Variants in ZNF506 observed in about 807,000 individuals in gnomAD.
ZNF506 encodes zinc finger protein 506.
A neutral mutation model predicts 11.6 loss-of-function variants in ZNF506; 10 were observed. The ratio of observed to expected loss-of-function variants is 0.86; its 90% CI spans 0.53 to 1.46. ZNF506 has a LOEUF of 1.46. ZNF506 is among the 40% of genes most tolerant of loss of function. ZNF506 has a pLI of 0.00. For synonymous variants in ZNF506, 156 were observed against 173.3 expected (o/e 0.90, Z 0.78); for missense variants, 425 against 521.2 (o/e 0.82, Z 1.80).
chr19:19,808,222 C>G, intron 1 of ZNF506, among the ~76,000 whole-genome samples: 1 of 144,244 alleles, frequency 6.9e-6, no homozygotes, highest in South Asian at 2.3e-4. Flanking sequence ...CTCCCGGGTT[C>G]ACACCATTCT....
intron 1 of ZNF506, among the ~76,000 whole-genome samples, chr19:19,819,524 A>G (rs1244900883): frequency 6.6e-6 from 1 of 152,176 alleles, no homozygotes; most frequent in Non-Finnish European, 1.5e-5. Flanking sequence ...ACTCTAGCAG[A>G]CATAGCCATG....
At chr19:19,795,917 GA>G (rs1378160457) in intron 3 of ZNF506, 6 of 423,968 alleles carry the variant, frequency 1.4e-5, no homozygotes, top group South Asian at 9.2e-5. Context: ...TAGAAAAATA[GA>G]AAAAAAGAAA....
At chr19:19,820,325 T>G (rs1599531694) in intron 1 of ZNF506, 1 of 152,324 alleles carries the variant, frequency 6.6e-6, no homozygotes, top group East Asian at 1.9e-4. Flanking sequence ...AAATTCAGGC[T>G]TAAGCAACTA....
intron 1 of ZNF506, among the ~76,000 whole-genome samples, chr19:19,818,900 A>G (rs1429342650): frequency 1.3e-4 from 20 of 152,162 alleles, no homozygotes; most frequent in Admixed American, 1.3e-3. Flanking sequence ...AGGCATGAGA[A>G]TCACTTGAAC....
chr19:19,803,672 G>T (rs1179057504), intron 3 of ZNF506, among the ~76,000 whole-genome samples: 2 of 151,996 alleles, frequency 1.3e-5, no homozygotes, highest in Non-Finnish European at 2.9e-5. Flanking sequence ...CAAATTCAGA[G>T]GGAATCTCAT....
chr19:19,809,594 T>A (rs1303607796), intron 1 of ZNF506, among the ~76,000 whole-genome samples: 1 of 152,156 alleles, frequency 6.6e-6, no homozygotes, highest in East Asian at 1.9e-4. Context: ...ATGACATCAA[T>A]TGGCAGAAAA....
At chr19:19,806,872 AC>A (rs1369214386) in intron 2 of ZNF506, 69 bp downstream of exon 2, 24 of 1,542,782 alleles carry the variant, frequency 1.6e-5, no homozygotes, top group Non-Finnish European at 1.8e-5. Context: ...TTACTAAAAA[AC>A]ATTCTACAAA....
chr19:19,806,936 C>G lies in ZNF506; in HGVS notation c.130+6G>C. ...ATTATGAATTATGTACTCAAGTTAT[C>G]CTCACCAAGGAAGATCAGGTTTCTG... On this transcript the variant is annotated splice_donor_region_variant and intron_variant, in intron 2 of 3. Transcript: ENST00000540806. The G allele has an allele frequency of 6.2e-7, 1 of 1,611,304 alleles. No individual in the cohort carries two copies. Among genetic ancestry groups the G allele is most frequent in the South Asian group, 1.1e-5 (1 of 90,306 alleles).
intron 2 of ZNF506, among the ~76,000 whole-genome samples, chr19:19,806,687 G>A (rs1021646116): frequency 1.4e-5 from 2 of 145,100 alleles, no homozygotes; most frequent in African/African-American, 2.5e-5. Flanking sequence ...AATATTTTAT[G>A]CCACTAAATT....
chr19:19,803,877 T>G (rs1437251831), intron 3 of ZNF506, among the ~76,000 whole-genome samples: 1 of 152,140 alleles, frequency 6.6e-6, no homozygotes, highest in Non-Finnish European at 1.5e-5. Context: ...ATAAATCCAT[T>G]GAAATAGAAA....
At position 19,814,737 on chromosome 19, in the gene ZNF506, A is replaced by G. The variant is rs1485424305; in HGVS notation, c.3+6864T>C. On this transcript the variant is annotated intron_variant, in intron 1 of 3. Coordinates refer to ENST00000540806, the MANE Select transcript of ZNF506 (RefSeq NM_001099269.3). ...AAAATCCCTGGGTGGGAGAGAGTGC[A>G]ATGTAGGTGAGAGGACTGATTTTTG... 6.6e-5 allele frequency among the ~76,000 whole-genome samples: 10 copies of G among 152,210 alleles called. No homozygotes were observed. The East Asian group carries it at 1.9e-3, about 29-fold the overall frequency.
At chr19:19,814,445 CAG>C (rs1395338618) in intron 1 of ZNF506, among the ~76,000 whole-genome samples, 53 of 89,652 alleles carry the variant, frequency 5.9e-4, no homozygotes, top group African/African-American at 2.3e-3. Context: ...AATGCAGAAA[CAG>C]AAAACCAAAT....
At chr19:19,813,868 TGGGA>T in intron 1 of ZNF506, among the ~76,000 whole-genome samples, 1 of 152,194 alleles carries the variant, frequency 6.6e-6, no homozygotes, top group African/African-American at 2.4e-5. Context: ...CCCAGCTACT[TGGGA>T]GGATGAGATA....
intron 1 of ZNF506, among the ~76,000 whole-genome samples, chr19:19,811,159 G>C (rs1165217308): frequency 6.6e-6 from 1 of 152,092 alleles, no homozygotes; most frequent in African/African-American, 2.4e-5. Context: ...AGGTCTTCTA[G>C]AGTAACTTTT....
Position 19,806,027 on chromosome 19 carries a change from C to G in ZNF506, c.226+4G>C. ...CTGTCCTATTCATTTTCACTCGCAC[C>G]TACCTGGGGGTTTGGCAATCATCTC... On this transcript the variant is annotated splice_donor_region_variant and intron_variant, in intron 3 of 3. Coordinates refer to ENST00000540806, the MANE Select transcript of ZNF506 (RefSeq NM_001099269.3). The G allele has an allele frequency of 6.2e-7, 1 of 1,602,984 alleles. No homozygotes were observed. Among genetic ancestry groups the G allele is most frequent in the Non-Finnish European group, 8.5e-7 (1 of 1,176,400 alleles).
At chr19:19,817,062 A>G (rs1018259586) in intron 1 of ZNF506, among the ~76,000 whole-genome samples, 4 of 151,034 alleles carry the variant, frequency 2.6e-5, no homozygotes, top group African/African-American at 7.4e-5. Flanking sequence ...CGGCTTCCCA[A>G]CTTGCTGGGA....
chr19:19,806,232 T>A, intron 2 of ZNF506, 106 bp from the exon 3 acceptor site: 1 of 753,178 alleles, frequency 1.3e-6, no homozygotes, highest in Non-Finnish European at 1.9e-6. Flanking sequence ...AGTAAATTAA[T>A]ACTAAAATAC....
intron 3 of ZNF506, chr19:19,797,051 T>C (rs2062747962): frequency 6.6e-6 from 1 of 152,192 alleles, no homozygotes; most frequent in Non-Finnish European, 1.5e-5. Context: ...ATCTCAAAGA[T>C]TACAATGTAT....
intron 3 of ZNF506, among the ~76,000 whole-genome samples, chr19:19,802,826 T>A (rs2062806121): frequency 6.6e-6 from 1 of 152,056 alleles, no homozygotes; most frequent in Non-Finnish European, 1.5e-5. Context: ...AGTCCCCTAT[T>A]TTCATATCCT....
Sources: gnomAD v4.1 joint callset for allele counts (sites outside exome capture counted in the v4.1 genomes callset) on GRCh38, gnomAD v4.1.1 for gene constraint, MANE v1.5 for transcripts, NCBI Gene and HGNC (gene_info 2026-07-23, HGNC 2026-07-21) for gene names.